Variants in CDH8 observed in about 807,000 individuals in gnomAD.
The protein encoded by CDH8 is cadherin 8.
In CDH8, 17 loss-of-function variants were observed where a neutral mutation model predicts 68.1. The ratio of observed to expected loss-of-function variants is 0.25; its 90% confidence interval spans 0.17 to 0.37. CDH8 has a LOEUF of 0.37. Ranked by LOEUF, CDH8 falls within the 10% of genes least tolerant of loss-of-function variation. The pLI, the probability that CDH8 is intolerant of heterozygous loss-of-function variation, is 1.00. For synonymous variants in CDH8, 372 were observed against 365.1 expected, an observed-to-expected ratio of 1.02 and a Z score of -0.21; for missense variants, 763 against 999.3, an observed-to-expected ratio of 0.76 and a Z score of 3.19.
At chr16:61,754,062 A>G (rs7187101) in intron 8 of CDH8, among the ~76,000 whole-genome samples, 74,925 of 151,984 alleles carry the variant, frequency 0.49, 19,538 homozygotes, top group African/African-American at 0.66. Context: ...CTCAAACTTA[A>G]TACTGTCTGA....
intron 3 of CDH8, among the ~76,000 whole-genome samples, chr16:61,866,946 G>A (rs200953914): frequency 6.6e-6 from 1 of 151,880 alleles, no homozygotes; most frequent in African/African-American, 2.4e-5. Flanking sequence ...CGTTTTTTTT[G>A]TCCCTCTAGA....
chr16:61,991,164 C>T (rs777884496), intron 2 of CDH8, among the ~76,000 whole-genome samples: 3 of 152,260 alleles, frequency 2.0e-5, no homozygotes, highest in Admixed American at 6.5e-5. Flanking sequence ...CAACTTGGCA[C>T]GTTTGGGAAT....
At chr16:61,845,851 T>C (rs944270408) in intron 4 of CDH8, among the ~76,000 whole-genome samples, 6 of 152,058 alleles carry the variant, frequency 3.9e-5, no homozygotes, top group Non-Finnish European at 7.4e-5. Context: ...ACCAGACCCA[T>C]AGGAGTTTGA....
chr16:61,908,802 T>C (rs1964107447), intron 2 of CDH8, among the ~76,000 whole-genome samples: 1 of 152,180 alleles, frequency 6.6e-6, no homozygotes, highest in South Asian at 2.1e-4. Flanking sequence ...GGTCCTTCCA[T>C]TCTTAATAAG....
chr16:62,007,607 A>AT (rs1965999452), intron 2 of CDH8, among the ~76,000 whole-genome samples: 1 of 152,026 alleles, frequency 6.6e-6, no homozygotes, highest in East Asian at 2.0e-4. Context: ...AAAACAAAAA[A>AT]AATCAGAACC....
At chr16:61,923,878 T>C (rs1434466835) in intron 2 of CDH8, among the ~76,000 whole-genome samples, 1 of 147,924 alleles carries the variant, frequency 6.8e-6, no homozygotes, top group African/African-American at 2.5e-5. Context: ...ATTTACTATA[T>C]ATATTTAAAT....
intron 10 of CDH8, among the ~76,000 whole-genome samples, chr16:61,710,002 A>T (rs1964603220): frequency 6.6e-6 from 1 of 152,146 alleles, no homozygotes; most frequent in South Asian, 2.1e-4. Flanking sequence ...GAAGATTTAA[A>T]GCTTCAAAGA....
chr16:61,947,470 A>G (rs1042402102), intron 2 of CDH8, among the ~76,000 whole-genome samples: 3 of 152,194 alleles, frequency 2.0e-5, no homozygotes, highest in Non-Finnish European at 1.5e-5. Context: ...GGAATGATGA[A>G]TAATACATGG....
At chr16:61,820,760 G>T (rs1962195210) in intron 6 of CDH8, among the ~76,000 whole-genome samples, 166 bp downstream of exon 6, 1 of 151,864 alleles carries the variant, frequency 6.6e-6, no homozygotes, top group Non-Finnish European at 1.5e-5. Context: ...GGGCCCAAGA[G>T]ATAAGAGTTG....
chr16:61,650,675 G>GT lies in CDH8; in HGVS notation c.*2932dup. On this transcript the variant is annotated 3_prime_UTR_variant, in exon 12 of 12. Transcript: ENST00000577390. ...TGTGTGTTTTTTATTTGTTTGTTGT[G>GT]TGTGTGTGTGTGTGTGTGTGTGTGT... The GT allele has an allele frequency of 4.5e-5, 3 of 67,270 alleles. No homozygotes were observed. The highest frequency in any genetic ancestry group is 1.1e-4 in the Non-Finnish European group (3 of 28,514). The allele number at this position is 67,270 out of a possible 1,614,324, so 4.2% of individuals were successfully genotyped here.
chr16:61,998,817 C>T (rs1189141999), intron 2 of CDH8, among the ~76,000 whole-genome samples: 1 of 152,050 alleles, frequency 6.6e-6, no homozygotes, highest in African/African-American at 2.4e-5. Flanking sequence ...GTTGCTGATT[C>T]CAAAGATCAT....
chr16:62,025,007 A>G (rs1342484647), intron 1 of CDH8, among the ~76,000 whole-genome samples: 2 of 152,188 alleles, frequency 1.3e-5, no homozygotes, highest in African/African-American at 4.8e-5. Context: ...ATACATAAAC[A>G]ATTCACTGAA....
intron 8 of CDH8, among the ~76,000 whole-genome samples, chr16:61,757,827 C>G (rs1960361707): frequency 6.6e-6 from 1 of 152,150 alleles, no homozygotes; most frequent in African/African-American, 2.4e-5. Flanking sequence ...TCTGCAGAGA[C>G]AAACTGACCC....
At position 61,962,558 on chromosome 16, in the gene CDH8, C is replaced by T. The variant is rs1222315134; in HGVS notation, c.252+58594G>A. Reference sequence around the variant, plus strand: ...TTTTGCAAGCCCAGTTAGTCTGGGGCTGTTGGCCTGAAGCATCACTTATAA... The same window carrying T: ...TTTTGCAAGCCCAGTTAGTCTGGGGTTGTTGGCCTGAAGCATCACTTATAA... On this transcript the variant is annotated intron_variant, in intron 2 of 11. Coordinates refer to ENST00000577390, the MANE Select transcript of CDH8 (RefSeq NM_001796.5). Among the ~76,000 whole-genome samples, 7 of 152,186 alleles carry T rather than the reference C, an allele frequency of 4.6e-5. No individual in the cohort carries two copies. In the East Asian group the frequency reaches 1.3e-3, roughly 29 times the overall value.
intron 2 of CDH8, among the ~76,000 whole-genome samples, chr16:61,984,270 A>G (rs1038732028): frequency 1.3e-5 from 2 of 152,086 alleles, no homozygotes. Context: ...CCCTCATTAA[A>G]CCTAATTAAT....
chr16:61,946,541 T>C (rs1170665930), intron 2 of CDH8, among the ~76,000 whole-genome samples: 2 of 152,198 alleles, frequency 1.3e-5, no homozygotes, highest in East Asian at 3.9e-4. Flanking sequence ...GCTTCAACAG[T>C]TGATGCTTGC....
chr16:61,993,157 T>C (rs889892463), intron 2 of CDH8, among the ~76,000 whole-genome samples: 11 of 152,208 alleles, frequency 7.2e-5, no homozygotes, highest in African/African-American at 2.4e-4. Context: ...ATAAAGTGAC[T>C]GCAGAAAGCA....
At chr16:61,894,303 A>T (rs895895541) in intron 3 of CDH8, among the ~76,000 whole-genome samples, 1 of 152,214 alleles carries the variant, frequency 6.6e-6, no homozygotes, top group Admixed American at 6.5e-5. Flanking sequence ...TGTGAAAGTC[A>T]TAAGTGAAGA....
At chr16:61,745,595 C>CTTTTTTTTTTTTTTTTTTT (rs74264140) in intron 8 of CDH8, among the ~76,000 whole-genome samples, 1 of 140,044 alleles carries the variant, frequency 7.1e-6, no homozygotes, top group African/African-American at 2.6e-5. Context: ...TCTTTTCTTT[C>CTTTTTTTTTTTTTTTTTTT]TTTTTTTTTT....
Sources: allele counts gnomAD v4.1 joint callset (sites outside exome capture counted in the v4.1 genomes callset), GRCh38; gene constraint gnomAD v4.1.1; transcripts MANE v1.5; gene names NCBI Gene and HGNC (gene_info 2026-07-23, HGNC 2026-07-21).